Variants in VKORC1L1 observed in about 807,000 individuals in gnomAD.
VKORC1L1 encodes the protein vitamin K epoxide reductase complex subunit 1L1.
Under a neutral mutation model 18.9 loss-of-function variants are expected in VKORC1L1, and 2 were observed. That is an observed-to-expected ratio of 0.11 (90% CI 0.04 to 0.33). The LOEUF (loss-of-function observed/expected upper bound fraction) is 0.33, where lower values mean the gene tolerates loss of function less well. VKORC1L1 is among the 10% of genes least tolerant of loss of function. The pLI is 1.00. For missense variants in VKORC1L1, 123 were observed against 224.1 expected, an observed-to-expected ratio of 0.55 and a Z score of 2.88; for synonymous variants, 96 against 100.0, an observed-to-expected ratio of 0.96 and a Z score of 0.24.
At chr7:65,916,951 A>T (rs1789599195) in intron 1 of VKORC1L1, among the ~76,000 whole-genome samples, 1 of 152,128 alleles carries the variant, frequency 6.6e-6, no homozygotes, top group Non-Finnish European at 1.5e-5. Context: ...AACATTCCCA[A>T]TTCAAATTCA....
intron 1 of VKORC1L1, among the ~76,000 whole-genome samples, chr7:65,929,647 T>C (rs1324517083): frequency 7.0e-6 from 1 of 142,434 alleles, no homozygotes; most frequent in Non-Finnish European, 1.5e-5. Context: ...CTGATATATA[T>C]ATATATGTAT....
chr7:65,950,346 C>T (rs1223185492), intron 2 of VKORC1L1, among the ~76,000 whole-genome samples: 1 of 152,074 alleles, frequency 6.6e-6, no homozygotes, highest in African/African-American at 2.4e-5. Context: ...TCTGTTGATG[C>T]CTTTGCATTT....
chr7:65,954,831 C>G lies in VKORC1L1; in HGVS notation c.*531C>G, dbSNP rs1045099733. The G allele has an allele frequency of 8.7e-5, 14 of 160,110 alleles. No individual in the cohort carries two copies. The highest frequency in any genetic ancestry group is 5.5e-5 in the Non-Finnish European group (4 of 72,428). 9.9% of individuals were successfully genotyped at this position (160,110 alleles called of 1,614,324 possible). ...AAATATTAGATCCATTTCTGCAGAA[C>G]TTACTGTACAGTTTAGTTGGAGTGT... On this transcript the variant is annotated 3_prime_UTR_variant, in exon 3 of 3. Transcript: ENST00000360768.
chr7:65,908,000 G>A (rs536091081), intron 1 of VKORC1L1, among the ~76,000 whole-genome samples: 2 of 152,180 alleles, frequency 1.3e-5, no homozygotes, highest in African/African-American at 2.4e-5. Context: ...AGCAAGCAGT[G>A]TGTCAGATCT....
chr7:65,919,219 C>T (rs1417484586), intron 1 of VKORC1L1, among the ~76,000 whole-genome samples: 1 of 152,192 alleles, frequency 6.6e-6, no homozygotes, highest in East Asian at 1.9e-4. Context: ...GGCTAATAGT[C>T]ATATGTTTAT....
chr7:65,949,689 T>C (rs1380340950), intron 2 of VKORC1L1, among the ~76,000 whole-genome samples: 1 of 149,724 alleles, frequency 6.7e-6, no homozygotes, highest in East Asian at 2.0e-4. Context: ...AAGGCTGAGG[T>C]GAGAGAATCA....
At chr7:65,952,936 A>G (rs368905550) in intron 2 of VKORC1L1, among the ~76,000 whole-genome samples, 108 of 151,744 alleles carry the variant, frequency 7.1e-4, no homozygotes, top group African/African-American at 2.4e-3. Flanking sequence ...CAAGCGTGCA[A>G]TACCATGCCC....
In VKORC1L1 at chr7:65,954,571, TG is replaced by T; in HGVS notation, c.*272del. On this transcript the variant is annotated 3_prime_UTR_variant, in exon 3 of 3. Transcript: ENST00000360768. ...TTGAAGTGTTTCTGAAATGATAAAA[TG>T]TAGCCCTAGCCCCCTGCCCTCAATT... The T allele has an allele frequency of 1.8e-6, 1 of 545,548 alleles. No homozygotes were observed. The highest frequency in any genetic ancestry group is 3.0e-6 in the Non-Finnish European group (1 of 334,964). The allele number at this position is 545,548 out of a possible 1,614,324, so 33.8% of individuals were successfully genotyped here. A position where few individuals can be genotyped will look rare whatever the true frequency, so the allele number is the denominator to read the frequency against.
chr7:65,875,575 G>A (rs1462737675), intron 1 of VKORC1L1, among the ~76,000 whole-genome samples: 9 of 151,894 alleles, frequency 5.9e-5, no homozygotes, highest in African/African-American at 2.2e-4. Flanking sequence ...CCGCCACAAC[G>A]CCCTGCTAAT....
chr7:65,895,207 A>G (rs1289679371), intron 1 of VKORC1L1, among the ~76,000 whole-genome samples: 1 of 152,104 alleles, frequency 6.6e-6, no homozygotes, highest in Non-Finnish European at 1.5e-5. Context: ...CTTACCTTAC[A>G]TAACTTTACT....
At chr7:65,867,512 G>A in the VKORC1L1 span, among the ~76,000 whole-genome samples, 2 of 150,728 alleles carry the variant, frequency 1.3e-5, no homozygotes, top group African/African-American at 4.9e-5. Context: ...TTTTCACTCG[G>A]GGTGTCTCAT....
At chr7:65,882,400 TAAAAAGTA>T (rs1342174399) in intron 1 of VKORC1L1, among the ~76,000 whole-genome samples, 9 of 70,318 alleles carry the variant, frequency 1.3e-4, no homozygotes, top group Non-Finnish European at 2.4e-4. Flanking sequence ...TAAAATAAAA[TAAAAAGTA>T]AAAAAGCAAA....
chr7:65,946,523 G>C (rs1248733981), intron 1 of VKORC1L1, among the ~76,000 whole-genome samples: 1 of 152,134 alleles, frequency 6.6e-6, no homozygotes, highest in African/African-American at 2.4e-5. Context: ...TGAAGGAACA[G>C]CTACATTTTA....
chr7:65,927,181 G>A (rs958578491), intron 1 of VKORC1L1, among the ~76,000 whole-genome samples: 5 of 152,128 alleles, frequency 3.3e-5, no homozygotes, highest in African/African-American at 4.8e-5. Flanking sequence ...CAGCTACTTG[G>A]GAGGCTGAGG....
upstream of VKORC1L1, among the ~76,000 whole-genome samples, chr7:65,869,040 T>A (rs34107622): frequency 6.6e-6 from 1 of 152,156 alleles, no homozygotes; most frequent in Non-Finnish European, 1.5e-5. Context: ...AGTTGTCAAG[T>A]GTGGTGGCTC....
intron 1 of VKORC1L1, among the ~76,000 whole-genome samples, chr7:65,886,034 T>C (rs557775594): frequency 5.3e-5 from 8 of 152,248 alleles, no homozygotes; most frequent in African/African-American, 9.6e-5. Context: ...TCTCTGATAA[T>C]GGTTTTAACC....
chr7:65,895,470 AAAAAAAAAAAATATAT>A (rs1332094343), intron 1 of VKORC1L1, among the ~76,000 whole-genome samples: 53 of 54,252 alleles, frequency 9.8e-4, no homozygotes, highest in Non-Finnish European at 1.3e-3. Context: ...AAAAAAAAAA[AAAAAAAAAAAATATAT>A]ATATATATAT....
intron 1 of VKORC1L1, 51 bp downstream of exon 1, chr7:65,873,616 G>C: frequency 1.4e-6 from 2 of 1,398,972 alleles, no homozygotes; most frequent in East Asian, 3.2e-5. Flanking sequence ...GGCGAGGGTG[G>C]AGTCTCGGGG....
chr7:65,883,776 G>T lies in VKORC1L1; in HGVS notation c.194+10211G>T, dbSNP rs929396623. 9.4e-4 allele frequency among the ~76,000 whole-genome samples: 140 copies of T among 149,674 alleles called. No individual in the cohort carries two copies. In the Admixed American group the frequency reaches 9.4e-3, roughly 10 times the overall value. ...GCCTCCCAAAGTGCTGGGATTACAG[G>T]TGCAAGCCACCACACCCAGCCTAAT... On this transcript the variant is annotated intron_variant, in intron 1 of 2. Coordinates refer to ENST00000360768, the MANE Select transcript of VKORC1L1 (RefSeq NM_173517.6).
Sources: allele counts gnomAD v4.1 joint callset (sites outside exome capture counted in the v4.1 genomes callset), GRCh38; gene constraint gnomAD v4.1.1; transcripts MANE v1.5; gene names NCBI Gene and HGNC (gene_info 2026-07-23, HGNC 2026-07-21).